CFAP58: variants seen among roughly 807,000 people sequenced by gnomAD.
CFAP58 encodes cilia and flagella associated protein 58, also known as cilia- and flagella-associated protein 58.
A neutral mutation model predicts 119.5 loss-of-function variants in CFAP58; 88 were observed. The observed-to-expected ratio is 0.74, with a 90% confidence interval of 0.62 to 0.88. The LOEUF (loss-of-function observed/expected upper bound fraction) is 0.88, where lower values mean the gene tolerates loss of function less well. CFAP58 is among the 40% of genes least tolerant of loss of function. CFAP58 has a pLI of 0.00. For missense variants in CFAP58, 990 were observed against 1,021.2 expected (o/e 0.97, Z 0.42); for synonymous variants, 365 against 366.3 (o/e 1.00, Z 0.04).
intron 1 of CFAP58, among the ~76,000 whole-genome samples, chr10:104,354,852 T>C (rs2014520932): frequency 6.6e-6 from 1 of 152,210 alleles, no homozygotes; most frequent in South Asian, 2.1e-4. Context: ...TTCACTCCCA[T>C]GAAGCCAGCC....
chr10:104,435,615 G>A (rs140630333), intron 15 of CFAP58, among the ~76,000 whole-genome samples: 1 of 152,286 alleles, frequency 6.6e-6, no homozygotes, highest in East Asian at 1.9e-4. Context: ...TCAGAAGTTT[G>A]CAGATTCTCC....
chr10:104,427,583 A>C (rs550493620), intron 15 of CFAP58, among the ~76,000 whole-genome samples: 10 of 152,302 alleles, frequency 6.6e-5, no homozygotes, highest in Admixed American at 5.9e-4. Context: ...CACACCGATT[A>C]ATCTCTAACA....
chr10:104,391,688 T>C (rs956637031), intron 9 of CFAP58, among the ~76,000 whole-genome samples: 1 of 152,184 alleles, frequency 6.6e-6, no homozygotes. Context: ...TGGAAGTACT[T>C]TGTGCACAAT....
At chr10:104,368,834 G>T (rs2014786801) in intron 6 of CFAP58, among the ~76,000 whole-genome samples, 1 of 152,160 alleles carries the variant, frequency 6.6e-6, no homozygotes, top group Non-Finnish European at 1.5e-5. Flanking sequence ...AACTAGCTTT[G>T]CAAGAAACCA....
At chr10:104,396,004 C>T (rs1377162450) in intron 11 of CFAP58, among the ~76,000 whole-genome samples, 1 of 152,210 alleles carries the variant, frequency 6.6e-6, no homozygotes, top group Non-Finnish European at 1.5e-5. Context: ...CCAGGCTCCA[C>T]TGATGCCTGA....
At chr10:104,449,931 TG>T in intron 16 of CFAP58, 139 bp from the exon 17 acceptor site, 1 of 789,760 alleles carries the variant, frequency 1.3e-6, no homozygotes, top group Non-Finnish European at 2.0e-6. Context: ...CCTGAGCTGG[TG>T]GAAGCATGCA....
At position 104,392,400 on chromosome 10, in the gene CFAP58, T is replaced by G. The variant is rs74233861; in HGVS notation, c.1527+6T>G. 2.2e-5 allele frequency: 35 copies of G among 1,557,128 alleles called. No homozygotes were observed. In the East Asian group the frequency reaches 7.5e-4, roughly 33 times the overall value. On this transcript the variant is annotated splice_donor_region_variant and intron_variant, in intron 10 of 17. Transcript: ENST00000369704. ...AAAATCTGGTTGAGGCTCAGGTAAA[T>G]AATATATTTATATCCTTACATTTTG...
At chr10:104,396,094 A>G (rs1016362654) in intron 11 of CFAP58, among the ~76,000 whole-genome samples, 34 of 152,128 alleles carry the variant, frequency 2.2e-4, no homozygotes, top group African/African-American at 8.2e-4. Context: ...GTCTGCATTC[A>G]TCTGCCCATT....
intron 1 of CFAP58, among the ~76,000 whole-genome samples, chr10:104,357,838 CACATATGTACACAT>C (rs2014572025): frequency 2.8e-5 from 2 of 71,964 alleles, no homozygotes; most frequent in African/African-American, 1.4e-4. Flanking sequence ...CATATATGTA[CACATATGTACACAT>C]ATATACACAT....
At chr10:104,426,983 T>C (rs575721240) in intron 15 of CFAP58, among the ~76,000 whole-genome samples, 43 of 152,314 alleles carry the variant, frequency 2.8e-4, no homozygotes, top group African/African-American at 1.0e-3. Flanking sequence ...TGATGTTGGG[T>C]TTTTAGAAAC....
At chr10:104,429,184 AG>A (rs2012801939) in intron 15 of CFAP58, among the ~76,000 whole-genome samples, 1 of 151,998 alleles carries the variant, frequency 6.6e-6, no homozygotes, top group African/African-American at 2.4e-5. Context: ...GCTGGTGATG[AG>A]GGGGTGGCAG....
At chr10:104,342,975 C>T in the CFAP58 span, among the ~76,000 whole-genome samples, 2 of 151,930 alleles carry the variant, frequency 1.3e-5, no homozygotes, top group Admixed American at 6.6e-5. Context: ...GGACAGATTT[C>T]CTGTTCACCC....
chr10:104,353,846 G>A lies in CFAP58; in HGVS notation c.-52G>A. 1.1e-5 allele frequency: 17 copies of A among 1,596,348 alleles called. No individual in the cohort carries two copies. The highest frequency in any genetic ancestry group is 6.9e-6 in the Non-Finnish European group (8 of 1,167,382). ...AGCTTCTTTCCCAGACTCCGGCCCA[G>A]CTCCTGCGATCTCCACAGCAGCCTC... On this transcript the variant is annotated 5_prime_UTR_variant, in exon 1 of 18. Coordinates refer to ENST00000369704, the MANE Select transcript of CFAP58 (RefSeq NM_001008723.2).
Position 104,379,166 on chromosome 10 carries a change from CTCTA to C in CFAP58, c.1174-860_1174-857del, listed in dbSNP as rs2011730721. On this transcript the variant is annotated intron_variant, in intron 8 of 17. Transcript: ENST00000369704. ...ACCCTGTACCTATTCAGCAGCCACT[CTCTA>C]TCCCCCGCTCCTCCCACCCCTGGCA... Among the ~76,000 whole-genome samples, 3 of 152,226 alleles carry C rather than the reference CTCTA, an allele frequency of 2.0e-5. No individual in the cohort carries two copies. The South Asian group carries it at 6.2e-4, about 32-fold the overall frequency.
intron 15 of CFAP58, among the ~76,000 whole-genome samples, chr10:104,412,400 T>G (rs550881953): frequency 8.3e-4 from 126 of 152,218 alleles, no homozygotes; most frequent in African/African-American, 2.9e-3. Context: ...CTCAATCCCT[T>G]TTAATCAATT....
intron 11 of CFAP58, among the ~76,000 whole-genome samples, chr10:104,395,937 T>C (rs1042846473): frequency 2.6e-5 from 4 of 152,216 alleles, no homozygotes; most frequent in Non-Finnish European, 5.9e-5. Context: ...TCTTCATTCA[T>C]CCCCTTCAGC....
chr10:104,394,494 A>G (rs2012113227), intron 11 of CFAP58, among the ~76,000 whole-genome samples: 1 of 152,210 alleles, frequency 6.6e-6, no homozygotes. Context: ...TATTTTCTAG[A>G]TTCTAAGATA....
At chr10:104,405,377 A>G (rs567182305) in intron 14 of CFAP58, among the ~76,000 whole-genome samples, 20 of 152,358 alleles carry the variant, frequency 1.3e-4, no homozygotes, top group African/African-American at 4.8e-4. Flanking sequence ...TTTTAAATTC[A>G]TTTACTGTCA....
At chr10:104,340,215 C>T in the CFAP58 span, among the ~76,000 whole-genome samples, 1 of 152,206 alleles carries the variant, frequency 6.6e-6, no homozygotes, top group East Asian at 1.9e-4. Flanking sequence ...TCACCAGCCT[C>T]ATATCTCACT....
Sources: allele counts gnomAD v4.1 joint callset (sites outside exome capture counted in the v4.1 genomes callset), GRCh38; gene constraint gnomAD v4.1.1; transcripts MANE v1.5; gene names NCBI Gene and HGNC (gene_info 2026-07-23, HGNC 2026-07-21).